The following ATE1 variants were observed in gnomAD, a reference collection of about 807,000 sequenced individuals.
The protein encoded by ATE1 is arginyltransferase 1.
Under a neutral mutation model 70.5 loss-of-function variants are expected in ATE1, and 36 were observed. The observed-to-expected ratio is 0.51, with a 90% CI of 0.39 to 0.67. ATE1 has a LOEUF of 0.67. ATE1 is among the 30% of genes least tolerant of loss of function. The pLI is 0.00. For missense variants in ATE1, 593 were observed against 629.5 expected, an observed-to-expected ratio of 0.94 and a Z score of 0.62; for synonymous variants, 232 against 219.3, an observed-to-expected ratio of 1.06 and a Z score of -0.51.
At chr10:121,896,373 C>T (rs1301077972) in intron 7 of ATE1, among the ~76,000 whole-genome samples, 1 of 152,034 alleles carries the variant, frequency 6.6e-6, no homozygotes. Context: ...AAAATAACAA[C>T]AAAAAAGTAT....
rs1012493409 is a variant in ATE1 at position 121,742,446 on chromosome 10, G to A, written c.*1234C>T. The A allele has an allele frequency of 1.3e-5, 2 of 152,200 alleles. No homozygotes were observed. The highest frequency in any genetic ancestry group is 4.8e-5 in the African/African-American group (2 of 41,450). 9.4% of individuals were successfully genotyped at this position (152,200 alleles called of 1,614,324 possible). A position where few individuals can be genotyped will look rare whatever the true frequency, so the allele number is the denominator to read the frequency against. On this transcript the variant is annotated 3_prime_UTR_variant, in exon 12 of 12. Transcript: ENST00000224652. ...CGGCTTGCTGGCCAAATAGCTGGTA[G>A]CAGAAGAGGGGATCAGCTGACAAAG...
At chr10:121,814,272 GCAGA>G (rs1947446732) in intron 10 of ATE1, among the ~76,000 whole-genome samples, 1 of 152,180 alleles carries the variant, frequency 6.6e-6, no homozygotes, top group Non-Finnish European at 1.5e-5. Context: ...GTGTCTAAAG[GCAGA>G]CAGGAAGGGA....
intron 11 of ATE1, among the ~76,000 whole-genome samples, chr10:121,759,871 T>C (rs1325664563): frequency 1.3e-5 from 2 of 152,178 alleles, no homozygotes; most frequent in Admixed American, 6.5e-5. Flanking sequence ...AGTCTTCTAC[T>C]GGAAGAAGCT....
At chr10:121,817,250 A>G (rs755180287) in intron 10 of ATE1, among the ~76,000 whole-genome samples, 16 of 152,262 alleles carry the variant, frequency 1.1e-4, no homozygotes, top group Non-Finnish European at 2.2e-4. Flanking sequence ...GCTTAAAAAC[A>G]TGAGTTCAGG....
At chr10:121,783,503 A>G (rs1946080734) in intron 11 of ATE1, among the ~76,000 whole-genome samples, 1 of 150,322 alleles carries the variant, frequency 6.7e-6, no homozygotes, top group African/African-American at 2.4e-5. Flanking sequence ...GCATCTTCCA[A>G]CCGATGGAGT....
At position 121,867,791 on chromosome 10, in the gene ATE1, ATG is replaced by A. The variant is rs550766224; in HGVS notation, c.975+2213_975+2214del. Among the ~76,000 whole-genome samples, 704 of 152,272 alleles carry A rather than the reference ATG, an allele frequency of 4.6e-3. 6 individuals carry two copies. The highest frequency in any genetic ancestry group is 7.0e-3 in the Non-Finnish European group (479 of 68,004). On this transcript the variant is annotated intron_variant, in intron 8 of 11. Coordinates refer to ENST00000224652, the MANE Select transcript of ATE1 (RefSeq NM_001001976.3). ...TCTCAATATATCAAATGTATTTTAT[ATG>A]TGTTATTCATCAATATATACTCCGA...
intron 7 of ATE1, among the ~76,000 whole-genome samples, chr10:121,895,381 G>A (rs1227672902): frequency 4.6e-5 from 7 of 152,146 alleles, no homozygotes; most frequent in Non-Finnish European, 8.8e-5. Context: ...AGGCCGAGGC[G>A]GGTGGATCAC....
rs1290421066 is a variant in ATE1, at chr10:121,902,550, TA to T, written c.653del (p.Leu218Ter). The T allele has an allele frequency of 1.4e-5, 22 of 1,614,124 alleles. No individual in the cohort carries two copies. Among genetic ancestry groups the T allele is most frequent in the Non-Finnish European group, 1.9e-5 (22 of 1,180,048 alleles). On this transcript the variant is annotated frameshift_variant, in exon 6 of 12. Transcript: ENST00000224652. LOFTEE classifies it high-confidence loss of function. ...CAGCTGGGTTCTGCTGCATTAGTTT[TA>T]ACCTTTTCCTTTCTTTCCGGATTTC... is the stretch of plus-strand genomic sequence containing the variant. ...AKEIRKERKR[L>X]KLMQQNPAGE...
chr10:121,794,744 TA>T (rs1337981567), intron 10 of ATE1, among the ~76,000 whole-genome samples: 10 of 149,682 alleles, frequency 6.7e-5, no homozygotes, highest in Admixed American at 5.3e-4. Flanking sequence ...CCCCATTTTC[TA>T]ATATAAGGTG....
chr10:121,763,916 A>T (rs962796014), intron 11 of ATE1, among the ~76,000 whole-genome samples: 6 of 152,224 alleles, frequency 3.9e-5, no homozygotes, highest in African/African-American at 1.4e-4. Context: ...TGGGAGGCTG[A>T]GGCACAAGAA....
chr10:121,882,562 T>C (rs999935905), intron 7 of ATE1, among the ~76,000 whole-genome samples: 2 of 152,208 alleles, frequency 1.3e-5, no homozygotes, highest in Non-Finnish European at 2.9e-5. Context: ...ACACAGGTAG[T>C]AGGTAGAGGA....
At chr10:121,752,254 G>A (rs141215774) in intron 11 of ATE1, among the ~76,000 whole-genome samples, 3,334 of 127,396 alleles carry the variant, frequency 0.026, 140 homozygotes, top group East Asian at 0.23. Context: ...TTTTTGAGAC[G>A]CAGTCTCCCT....
At chr10:121,914,514 A>T (rs1038749502) in intron 3 of ATE1, among the ~76,000 whole-genome samples, 2 of 152,152 alleles carry the variant, frequency 1.3e-5, no homozygotes, top group Non-Finnish European at 2.9e-5. Context: ...CAGTGGAAAA[A>T]AAAAAAGCCA....
intron 11 of ATE1, among the ~76,000 whole-genome samples, chr10:121,763,587 G>A (rs10788201): frequency 0.83 from 125,803 of 152,126 alleles, 52,367 homozygotes; most frequent in Non-Finnish European, 0.88. Flanking sequence ...GGGGTTGCCA[G>A]AGGATGGAGA....
chr10:121,813,416 G>A (rs1379625056), intron 10 of ATE1, among the ~76,000 whole-genome samples: 1 of 152,188 alleles, frequency 6.6e-6, no homozygotes, highest in East Asian at 1.9e-4. Context: ...CAGGGAAAGG[G>A]ACACAGAGCC....
Position 121,769,194 on chromosome 10 carries a change from T to A in ATE1, c.1378+20975A>T, listed in dbSNP as rs558255483. Among the ~76,000 whole-genome samples the A allele has an allele frequency of 5.3e-5, 8 of 152,178 alleles. No individual in the cohort carries two copies. In the South Asian group the frequency reaches 1.7e-3, roughly 32 times the overall value. ...AGACTGTGTAGTATTGGTGGAGGAC[T>A]GACATATAAATACATGGAAGAGAAT... is the stretch of plus-strand genomic sequence containing the variant. On this transcript the variant is annotated intron_variant, in intron 11 of 11. Transcript: ENST00000224652.
intron 11 of ATE1, among the ~76,000 whole-genome samples, chr10:121,770,543 T>C (rs2132908): frequency 0.83 from 126,144 of 152,040 alleles, 52,690 homozygotes; most frequent in Non-Finnish European, 0.89. Context: ...TTAAAACTAT[T>C]TGCTTTTGAG....
intron 7 of ATE1, among the ~76,000 whole-genome samples, chr10:121,884,605 G>C (rs533127520): frequency 6.6e-6 from 1 of 152,162 alleles, no homozygotes; most frequent in Admixed American, 6.5e-5. Flanking sequence ...ATGAAAAAGA[G>C]GGAGGAAGGG....
rs1035746748 is a variant in ATE1, at chr10:121,741,898, CTTT to C, written c.*1779_*1781del. The C allele has an allele frequency of 2.0e-5, 3 of 152,094 alleles. No individual in the cohort carries two copies. In the East Asian group the frequency reaches 5.8e-4, roughly 29 times the overall value. The allele number at this position is 152,094 out of a possible 1,614,324, so 9.4% of individuals were successfully genotyped here. A position where few individuals can be genotyped will look rare whatever the true frequency, so the allele number is the denominator to read the frequency against. ...ATGGTAGGGTTGTAGATGATTTTTA[CTTT>C]TTATTTATACTTCTTAATGTTCTAA... On this transcript the variant is annotated 3_prime_UTR_variant, in exon 12 of 12. Coordinates refer to ENST00000224652, the MANE Select transcript of ATE1 (RefSeq NM_001001976.3).
Sources: gnomAD v4.1 joint callset for allele counts (sites outside exome capture counted in the v4.1 genomes callset) on GRCh38, gnomAD v4.1.1 for gene constraint, MANE v1.5 for transcripts, NCBI Gene and HGNC (gene_info 2026-07-23, HGNC 2026-07-21) for gene names.